The following TRA2A variants were observed in gnomAD, a reference collection of about 807,000 sequenced individuals.
The protein encoded by TRA2A is transformer 2 alpha homolog.
A neutral mutation model predicts 45.7 loss-of-function variants in TRA2A; 31 were observed. That is an observed-to-expected ratio of 0.68 (90% CI 0.51 to 0.92). TRA2A has a LOEUF of 0.92. Among genes scored for constraint, TRA2A ranks in the 40% least tolerant of loss-of-function variants. TRA2A has a pLI of 0.00. For synonymous variants in TRA2A, 132 were observed against 126.2 expected (o/e 1.05, Z -0.31); for missense variants, 304 against 367.5 (o/e 0.83, Z 1.41).
intron 1 of TRA2A, among the ~76,000 whole-genome samples, chr7:23,522,906 CAT>C (rs1197630606): frequency 3.3e-5 from 5 of 151,894 alleles, no homozygotes; most frequent in Non-Finnish European, 5.9e-5. Flanking sequence ...ACCCATAGCA[CAT>C]GTCAAGGTTC....
intron 4 of TRA2A, 27 bp from the exon 5 acceptor site, chr7:23,507,562 C>A (rs750254108): frequency 3.3e-6 from 5 of 1,498,822 alleles, no homozygotes; most frequent in Middle Eastern, 1.7e-4. Context: ...CAAAAAGTCA[C>A]GTATAATTCA....
intron 4 of TRA2A, among the ~76,000 whole-genome samples, chr7:23,511,405 A>AAAAAAAAAAAAAAAAAAAAAAAAAAAG (rs1789609808): frequency 4.5e-5 from 2 of 44,352 alleles, no homozygotes; most frequent in Non-Finnish European, 9.3e-5. Flanking sequence ...AAAAAAAAAA[A>AAAAAAAAAAAAAAAAAAAAAAAAAAAG]AAAAAGAAAA....
At chr7:23,512,784 A>G (rs893273769) in intron 4 of TRA2A, 110 bp downstream of exon 4, 25 of 1,010,056 alleles carry the variant, frequency 2.5e-5, no homozygotes, top group Non-Finnish European at 3.0e-5. Flanking sequence ...AAAAAAAAAA[A>G]AAAGAAAAAA....
At chr7:23,506,523 T>C (rs1789346897) in intron 5 of TRA2A, 2 of 417,250 alleles carry the variant, frequency 4.8e-6, no homozygotes. Flanking sequence ...CAAATTAAAA[T>C]CTTTTCAACA....
intron 1 of TRA2A, among the ~76,000 whole-genome samples, chr7:23,526,152 T>TG (rs1790332962): frequency 6.6e-6 from 1 of 152,176 alleles, no homozygotes; most frequent in South Asian, 2.1e-4. Flanking sequence ...TTGCGGAACA[T>TG]GAACAATTCC....
chr7:23,509,619 C>G (rs1789503582), intron 4 of TRA2A, among the ~76,000 whole-genome samples: 1 of 152,018 alleles, frequency 6.6e-6, no homozygotes, highest in Non-Finnish European at 1.5e-5. Context: ...ACCTATAGTC[C>G]TAGCTACTCG....
intron 1 of TRA2A, among the ~76,000 whole-genome samples, chr7:23,523,590 G>C (rs1443699839): frequency 4.6e-5 from 7 of 152,146 alleles, no homozygotes; most frequent in Non-Finnish European, 1.0e-4. Flanking sequence ...CTGTACAAAT[G>C]CCACCTGGTC....
intron 3 of TRA2A, 23 bp downstream of exon 3, chr7:23,516,336 CTTCA>C: frequency 6.2e-7 from 1 of 1,611,596 alleles, no homozygotes; most frequent in Non-Finnish European, 8.5e-7. Flanking sequence ...GAAAATAAGT[CTTCA>C]TTAACTTTTA....
At chr7:23,513,971 G>C (rs1174328162) in intron 3 of TRA2A, among the ~76,000 whole-genome samples, 1 of 152,124 alleles carries the variant, frequency 6.6e-6, no homozygotes, top group African/African-American at 2.4e-5. Context: ...CCTAATGCTT[G>C]TTTGGACCAG....
chr7:23,512,811 G>T, intron 4 of TRA2A, 83 bp downstream of exon 4: 2 of 1,039,892 alleles, frequency 1.9e-6, no homozygotes, highest in Non-Finnish European at 2.6e-6. Flanking sequence ...AAAAAAGGAT[G>T]CAATGTTTAC....
At chr7:23,521,964 C>T (rs951062417) in intron 1 of TRA2A, 124 bp from the exon 2 acceptor site, 267 of 1,448,094 alleles carry the variant, frequency 1.8e-4, no homozygotes, top group Middle Eastern at 9.1e-4. Flanking sequence ...CAACACCCTC[C>T]AGAAAAAATT....
At chr7:23,526,290 C>A (rs187953299) in intron 1 of TRA2A, among the ~76,000 whole-genome samples, 51 of 152,282 alleles carry the variant, frequency 3.3e-4, no homozygotes, top group Admixed American at 2.7e-3. Context: ...CTGTAACTTA[C>A]TCTAACATTA....
chr7:23,505,604 A>AAAAAAAAAAAAC, intron 7 of TRA2A, 35 bp from the exon 8 acceptor site: 1 of 607,456 alleles, frequency 1.6e-6, no homozygotes, highest in South Asian at 2.1e-5. Context: ...AAAAAAAAAA[A>AAAAAAAAAAAAC]AAAAGTTAAC....
chr7:23,505,585 C>CAAAAAAAAAAAAAAAAAAAAAAAA lies in TRA2A; in HGVS notation c.839-17_839-16insTTTTTTTTTTTTTTTTTTTTTTTT. 3 of 243,556 alleles carry CAAAAAAAAAAAAAAAAAAAAAAAA rather than the reference C, an allele frequency of 1.2e-5. No individual in the cohort carries two copies. Among genetic ancestry groups the CAAAAAAAAAAAAAAAAAAAAAAAA allele is most frequent in the South Asian group, 2.0e-4 (2 of 9,784 alleles). The allele number at this position is 243,556 out of a possible 1,614,324, so 15.1% of individuals were successfully genotyped here. ...CAATAGCGTCCTAAAAGAGAAAAAG[C>CAAAAAAAAAAAAAAAAAAAAAAAA]AAAAAAAAAAAAAAAAAAAAAAAGT... On this transcript the variant is annotated splice_polypyrimidine_tract_variant and intron_variant, in intron 7 of 7. Coordinates refer to ENST00000297071, the MANE Select transcript of TRA2A (RefSeq NM_013293.5).
Position 23,505,585 on chromosome 7 carries a change from C to CAAAAAAAAAAAAG in TRA2A, c.839-17_839-16insCTTTTTTTTTTTT. On this transcript the variant is annotated splice_polypyrimidine_tract_variant and intron_variant, in intron 7 of 7. Coordinates refer to ENST00000297071, the MANE Select transcript of TRA2A (RefSeq NM_013293.5). ...CAATAGCGTCCTAAAAGAGAAAAAGCAAAAAAAAAAAAAAAAAAAAAAAGT... is the reference window on the plus strand; with the variant it reads ...CAATAGCGTCCTAAAAGAGAAAAAGCAAAAAAAAAAAAGAAAAAAAAAAAAAAAAAAAAAAAGT... 1 of 243,556 alleles carries CAAAAAAAAAAAAG rather than the reference C, an allele frequency of 4.1e-6. No individual in the cohort carries two copies. Among genetic ancestry groups the CAAAAAAAAAAAAG allele is most frequent in the Non-Finnish European group, 6.5e-6 (1 of 153,144 alleles). 15.1% of individuals were successfully genotyped at this position (243,556 alleles called of 1,614,324 possible). A position where few individuals can be genotyped will look rare whatever the true frequency, so the allele number is the denominator to read the frequency against.
At chr7:23,522,955 C>T (rs1284299328) in intron 1 of TRA2A, among the ~76,000 whole-genome samples, 2 of 152,124 alleles carry the variant, frequency 1.3e-5, no homozygotes, top group Admixed American at 1.3e-4. Context: ...TAAAATTACA[C>T]CTTCTCCCAA....
chr7:23,518,658 C>G (rs765231316), intron 2 of TRA2A, among the ~76,000 whole-genome samples: 20 of 148,796 alleles, frequency 1.3e-4, no homozygotes, highest in Non-Finnish European at 3.0e-4. Flanking sequence ...GGTAACATTT[C>G]TGAGTCTTCA....
rs181949206 is a variant in TRA2A, at chr7:23,517,978, G to A, written c.171-1450C>T. ...TACTTTCTCCATATAGTTCTTTGTC[G>A]CCCAGGCTGGAGTGCAGTGGCATGA... On this transcript the variant is annotated intron_variant, in intron 2 of 7. Coordinates refer to ENST00000297071, the MANE Select transcript of TRA2A (RefSeq NM_013293.5). Among the ~76,000 whole-genome samples, 13 of 150,338 alleles carry A rather than the reference G, an allele frequency of 8.6e-5. No homozygotes were observed. In the East Asian group the frequency reaches 1.8e-3, roughly 21 times the overall value.
chr7:23,521,219 T>C (rs532253912), intron 2 of TRA2A, among the ~76,000 whole-genome samples: 37 of 152,288 alleles, frequency 2.4e-4, no homozygotes, highest in African/African-American at 8.9e-4. Flanking sequence ...TCAATCGTTC[T>C]GACCAACCAG....
Sources: gnomAD v4.1 joint callset for allele counts (sites outside exome capture counted in the v4.1 genomes callset) on GRCh38, gnomAD v4.1.1 for gene constraint, MANE v1.5 for transcripts, NCBI Gene and HGNC (gene_info 2026-07-23, HGNC 2026-07-21) for gene names.